The following NELL2 variants were observed in gnomAD, a reference collection of about 807,000 sequenced individuals.
NELL2 encodes the protein protein kinase C-binding protein NELL2.
Under a neutral mutation model 109.6 loss-of-function variants are expected in NELL2, and 41 were observed. The ratio of observed to expected loss-of-function variants is 0.37; its 90% CI spans 0.29 to 0.49. NELL2 has a LOEUF of 0.49. NELL2 is among the 20% of genes least tolerant of loss of function. NELL2 has a pLI of 0.98. For missense variants in NELL2, 900 were observed against 1,008.3 expected, an observed-to-expected ratio of 0.89 and a Z score of 1.45; for synonymous variants, 355 against 344.7, an observed-to-expected ratio of 1.03 and a Z score of -0.33.
chr12:44,871,833 C>T (rs193208982), intron 2 of NELL2, among the ~76,000 whole-genome samples: 80 of 152,182 alleles, frequency 5.3e-4, no homozygotes, highest in African/African-American at 1.8e-3. Context: ...AGCTTATTTT[C>T]AACTTAACAA....
In NELL2 at chr12:44,550,291, T is replaced by C. The variant is rs543215615; in HGVS notation, c.1664-17570A>G. ...AATAAAAAATTAAAAATACAATGAC[T>C]ACATATATATCCAAATAACTTGAAA... On this transcript the variant is annotated intron_variant, in intron 15 of 19. Transcript: ENST00000429094. 1.0e-3 allele frequency among the ~76,000 whole-genome samples: 159 copies of C among 152,138 alleles called. 1 individual carries two copies. Among genetic ancestry groups the C allele is most frequent in the African/African-American group, 3.5e-3 (147 of 41,526 alleles).
intron 2 of NELL2, among the ~76,000 whole-genome samples, chr12:44,853,170 T>C (rs1316931114): frequency 6.6e-6 from 1 of 152,168 alleles, no homozygotes; most frequent in Non-Finnish European, 1.5e-5. Flanking sequence ...AATAGTCTTA[T>C]AAAAATGTAT....
upstream of NELL2, chr12:44,876,528 C>A (rs757022214): frequency 1.4e-5 from 20 of 1,417,868 alleles, no homozygotes; most frequent in Non-Finnish European, 1.9e-5. Context: ...TCTCGATGAC[C>A]CGGGCAATGC....
At chr12:44,753,277 A>T (rs10880667) in intron 9 of NELL2, among the ~76,000 whole-genome samples, 1 of 151,848 alleles carries the variant, frequency 6.6e-6, no homozygotes, top group African/African-American at 2.4e-5. Context: ...CCACCCTCAG[A>T]GGGTAAGCTC....
chr12:44,905,387 GT>G (rs541375671), intron 1 of NELL2, among the ~76,000 whole-genome samples: 95 of 151,724 alleles, frequency 6.3e-4, no homozygotes, highest in African/African-American at 2.2e-3. Context: ...CCCTTTTGAT[GT>G]TTTTTACTGT....
intron 13 of NELL2, among the ~76,000 whole-genome samples, chr12:44,615,130 A>T (rs1945773455): frequency 6.6e-6 from 1 of 152,078 alleles, no homozygotes; most frequent in Non-Finnish European, 1.5e-5. Flanking sequence ...GTAGAGAAGT[A>T]ACACTGCTTA....
intron 2 of NELL2, among the ~76,000 whole-genome samples, chr12:44,845,347 T>A (rs1022566896): frequency 6.6e-6 from 1 of 152,138 alleles, no homozygotes; most frequent in African/African-American, 2.4e-5. Flanking sequence ...GGGACAGGAG[T>A]GGTGAACAGC....
At chr12:44,575,539 T>C (rs1049584604) in intron 15 of NELL2, among the ~76,000 whole-genome samples, 2 of 152,236 alleles carry the variant, frequency 1.3e-5, no homozygotes, top group Admixed American at 6.5e-5. Flanking sequence ...TCTTTGGTCT[T>C]GCCTTTTGGG....
intron 9 of NELL2, among the ~76,000 whole-genome samples, chr12:44,743,994 T>G (rs911360721): frequency 6.6e-6 from 1 of 151,992 alleles, no homozygotes; most frequent in Non-Finnish European, 1.5e-5. Context: ...CAACAGAATA[T>G]ACATTTTTTT....
At chr12:44,781,879 C>T (rs976813240) in intron 3 of NELL2, among the ~76,000 whole-genome samples, 2 of 151,626 alleles carry the variant, frequency 1.3e-5, no homozygotes, top group Non-Finnish European at 2.9e-5. Context: ...ATGAGAAGAC[C>T]TATTTTAAAA....
At chr12:44,627,026 C>T (rs947231114) in intron 13 of NELL2, among the ~76,000 whole-genome samples, 2 of 152,086 alleles carry the variant, frequency 1.3e-5, no homozygotes, top group Non-Finnish European at 2.9e-5. Flanking sequence ...AACGTGAAAG[C>T]TTAACAGGGT....
upstream of NELL2, among the ~76,000 whole-genome samples, chr12:44,918,517 ATG>A (rs10589306): frequency 0.081 from 10,005 of 123,626 alleles, 333 homozygotes; most frequent in Middle Eastern, 0.12. Flanking sequence ...GCATGCATGT[ATG>A]TGTGTGTGTG....
At chr12:44,821,046 TACAC>T (rs10664645) in intron 2 of NELL2, among the ~76,000 whole-genome samples, 6 of 148,852 alleles carry the variant, frequency 4.0e-5, no homozygotes, top group Admixed American at 6.7e-5. Flanking sequence ...GCTTTATAAA[TACAC>T]ACACACACAC....
chr12:44,759,935 C>A (rs1202099016), intron 9 of NELL2, among the ~76,000 whole-genome samples: 1 of 152,202 alleles, frequency 6.6e-6, no homozygotes, highest in Admixed American at 6.5e-5. Context: ...GTCTCTTTCA[C>A]TACCTTTTAA....
chr12:44,543,840 C>T (rs1348650642), intron 15 of NELL2, among the ~76,000 whole-genome samples: 1 of 152,064 alleles, frequency 6.6e-6, no homozygotes, highest in East Asian at 1.9e-4. Context: ...CTTCACTTTC[C>T]CAACTCCTCC....
intron 13 of NELL2, among the ~76,000 whole-genome samples, chr12:44,615,876 G>A (rs1009002672): frequency 1.3e-5 from 2 of 152,114 alleles, no homozygotes; most frequent in African/African-American, 4.8e-5. Flanking sequence ...GTAGATATAA[G>A]TTTTTAAAAG....
At chr12:44,682,890 A>T (rs1240114928) in intron 12 of NELL2, among the ~76,000 whole-genome samples, 7 of 152,082 alleles carry the variant, frequency 4.6e-5, no homozygotes, top group Admixed American at 1.3e-4. Flanking sequence ...TAGGATTGAC[A>T]TGGCAATGCA....
intron 1 of NELL2, among the ~76,000 whole-genome samples, chr12:44,881,377 A>T (rs2136858294): frequency 6.6e-6 from 1 of 152,072 alleles, no homozygotes; most frequent in African/African-American, 2.4e-5. Flanking sequence ...AAACACAAAT[A>T]CTCTTGAAAC....
intron 13 of NELL2, among the ~76,000 whole-genome samples, chr12:44,650,669 T>C (rs1397006286): frequency 6.6e-6 from 1 of 152,094 alleles, no homozygotes; most frequent in Non-Finnish European, 1.5e-5. Context: ...CAGGAAGTAA[T>C]TAAGGTTAAA....
Sources: gnomAD v4.1 joint callset for allele counts (sites outside exome capture counted in the v4.1 genomes callset) on GRCh38, gnomAD v4.1.1 for gene constraint, MANE v1.5 for transcripts, NCBI Gene and HGNC (gene_info 2026-07-23, HGNC 2026-07-21) for gene names.